Variants in CAMTA1 observed in about 807,000 individuals in gnomAD.
CAMTA1 encodes calmodulin binding transcription activator 1.
Under a neutral mutation model 170.9 loss-of-function variants are expected in CAMTA1, and 27 were observed. The ratio of observed to expected loss-of-function variants is 0.16; its 90% CI spans 0.12 to 0.22. The LOEUF (loss-of-function observed/expected upper bound fraction) is 0.22, where lower values mean the gene tolerates loss of function less well. CAMTA1 is among the 10% of genes least tolerant of loss of function. CAMTA1 has a pLI of 1.00. For synonymous variants in CAMTA1, 833 were observed against 891.5 expected, an observed-to-expected ratio of 0.93 and a Z score of 1.17; for missense variants, 1,619 against 2,217.2, an observed-to-expected ratio of 0.73 and a Z score of 5.42.
At chr1:7,703,020 C>G (rs146983350) in intron 11 of CAMTA1, among the ~76,000 whole-genome samples, 2,601 of 152,332 alleles carry the variant, frequency 0.017, 38 homozygotes, top group Non-Finnish European at 0.026. Context: ...CGAGCCCACT[C>G]TGAACCCAGG....
At chr1:7,457,138 G>A (rs1047883116) in intron 5 of CAMTA1, among the ~76,000 whole-genome samples, 26 of 148,978 alleles carry the variant, frequency 1.7e-4, no homozygotes, top group African/African-American at 6.5e-4. Flanking sequence ...TCATGACTTG[G>A]ATCAACTCTT....
chr1:7,640,680 A>G (rs1165700641), intron 7 of CAMTA1, 127 bp downstream of exon 7: 10 of 1,092,624 alleles, frequency 9.2e-6, no homozygotes, highest in Non-Finnish European at 1.4e-5. Context: ...CTGGAATGAC[A>G]GTGGCACCGT....
At chr1:6,939,619 G>A (rs1196416894) in intron 3 of CAMTA1, among the ~76,000 whole-genome samples, 1 of 152,196 alleles carries the variant, frequency 6.6e-6, no homozygotes, top group Non-Finnish European at 1.5e-5. Flanking sequence ...CTGGTCCCCT[G>A]TGGCGAGAGT....
At chr1:6,837,046 C>T (rs1229675656) in intron 3 of CAMTA1, among the ~76,000 whole-genome samples, 5 of 151,878 alleles carry the variant, frequency 3.3e-5, no homozygotes, top group East Asian at 3.9e-4. Flanking sequence ...CTCCGCCACC[C>T]GGGTTCATGC....
At chr1:7,714,961 G>T (rs1188624346) in intron 11 of CAMTA1, among the ~76,000 whole-genome samples, 1 of 152,202 alleles carries the variant, frequency 6.6e-6, no homozygotes, top group Admixed American at 6.5e-5. Context: ...GCTACGTTCA[G>T]CCCCATTTGG....
Position 7,674,563 on chromosome 1 carries a change from GA to G in CAMTA1, c.2780-3034del, listed in dbSNP as rs2096094215. ...GGAGGCCGAGGCGGGCGGATCACTTGAAGTCAGGAGTTCGAGACCAGCCTGA... is the reference window on the plus strand; with the variant it reads ...GGAGGCCGAGGCGGGCGGATCACTTGAGTCAGGAGTTCGAGACCAGCCTGA... On this transcript the variant is annotated intron_variant, in intron 10 of 22. Transcript: ENST00000303635. The surrounding 1 kb of genome is among the most constrained non-coding windows in gnomAD (Gnocchi z 4.1). 6.6e-6 allele frequency among the ~76,000 whole-genome samples: 1 copy of G among 152,184 alleles called. No individual in the cohort carries two copies. The highest frequency in any genetic ancestry group is 2.1e-4 in the South Asian group (1 of 4,830).
intron 9 of CAMTA1, among the ~76,000 whole-genome samples, chr1:7,666,178 A>AG (rs1183679613): frequency 2.0e-5 from 3 of 151,758 alleles, no homozygotes; most frequent in Non-Finnish European, 2.9e-5. Context: ...AAAAAAAAAA[A>AG]AAAGAAAGAA....
intron 6 of CAMTA1, among the ~76,000 whole-genome samples, chr1:7,493,951 C>T (rs2093782901): frequency 6.6e-6 from 1 of 152,112 alleles, no homozygotes; most frequent in Admixed American, 6.5e-5. Flanking sequence ...CTCCCAGGCT[C>T]AGCAGGCCAC....
chr1:7,056,911 A>G (rs960813291), intron 3 of CAMTA1, among the ~76,000 whole-genome samples: 4 of 152,042 alleles, frequency 2.6e-5, no homozygotes, highest in African/African-American at 7.2e-5. Context: ...CCGCTGGGAC[A>G]CCCCTCAGAA....
At chr1:7,091,805 C>A (rs1412316039) in intron 4 of CAMTA1, among the ~76,000 whole-genome samples, 1 of 152,174 alleles carries the variant, frequency 6.6e-6, no homozygotes. Context: ...GTAAAGAGAT[C>A]CCCCCAAATC....
intron 1 of CAMTA1, among the ~76,000 whole-genome samples, chr1:6,795,430 G>A (rs1219089234): frequency 6.6e-6 from 1 of 152,004 alleles, no homozygotes; most frequent in Non-Finnish European, 1.5e-5. Flanking sequence ...CTGGTCTCAA[G>A]CAGTCCGTCT....
chr1:6,883,719 C>T (rs747904228), intron 3 of CAMTA1, among the ~76,000 whole-genome samples: 23 of 151,928 alleles, frequency 1.5e-4, no homozygotes, highest in African/African-American at 2.9e-4. Flanking sequence ...GGCTTGAAAT[C>T]GGTATCATGG....
chr1:7,081,060 G>C (rs1172928757), intron 3 of CAMTA1, among the ~76,000 whole-genome samples: 1 of 152,210 alleles, frequency 6.6e-6, no homozygotes, highest in African/African-American at 2.4e-5. Context: ...CAAAGGGCCT[G>C]GGCTGGAAGT....
At position 7,444,343 on chromosome 1, in the gene CAMTA1, C is replaced by T. The variant is rs540798445; in HGVS notation, c.439-23487C>T. 2.0e-3 allele frequency among the ~76,000 whole-genome samples: 298 copies of T among 152,284 alleles called. 1 individual carries two copies. The highest frequency in any genetic ancestry group is 6.7e-3 in the African/African-American group (279 of 41,554). On this transcript the variant is annotated intron_variant, in intron 5 of 22. Transcript: ENST00000303635. ...CTCTGTACCCAGCACTGTGGCTGCC[C>T]GAGCATCTGCCTCTCCAGCCACAGT...
At position 7,584,393 on chromosome 1, in the gene CAMTA1, G is replaced by A. The variant is rs115047788; in HGVS notation, c.511-56007G>A. Among the ~76,000 whole-genome samples the A allele has an allele frequency of 6.4e-3, 969 of 152,204 alleles. 12 individuals are homozygous for A. Among genetic ancestry groups the A allele is most frequent in the African/African-American group, 0.022 (922 of 41,550 alleles). ...ATTAGGCCTGCAGGCAGGCCAGGAG[G>A]AGATGATGTGGAGGGTGGTCAGATA... is the stretch of plus-strand genomic sequence containing the variant. On this transcript the variant is annotated intron_variant, in intron 6 of 22. Coordinates refer to ENST00000303635, the MANE Select transcript of CAMTA1 (RefSeq NM_015215.4).
intron 3 of CAMTA1, among the ~76,000 whole-genome samples, chr1:7,033,366 C>T (rs1009115248): frequency 1.3e-5 from 2 of 152,052 alleles, no homozygotes; most frequent in South Asian, 4.2e-4. Context: ...AGAAGTTTTA[C>T]TTGGATCTGT....
chr1:7,112,163 A>G (rs915790026), intron 4 of CAMTA1, among the ~76,000 whole-genome samples: 1 of 152,146 alleles, frequency 6.6e-6, no homozygotes, highest in Admixed American at 6.5e-5. Context: ...CATTTGTTGC[A>G]GGACCGCTGC....
chr1:7,763,721 C>G (rs574468997), intron 22 of CAMTA1, among the ~76,000 whole-genome samples: 3 of 152,318 alleles, frequency 2.0e-5, no homozygotes, highest in Admixed American at 6.5e-5. Context: ...ATTCACTCTC[C>G]TTTTTATTTC....
intron 5 of CAMTA1, among the ~76,000 whole-genome samples, chr1:7,372,657 T>C (rs552896183): frequency 1.2e-4 from 18 of 152,352 alleles, no homozygotes; most frequent in Admixed American, 9.1e-4. Context: ...TGGAGCCCCG[T>C]GCCAGCGCTG....
Sources: allele counts gnomAD v4.1 joint callset (sites outside exome capture counted in the v4.1 genomes callset), GRCh38; gene constraint gnomAD v4.1.1; non-coding constraint Gnocchi (gnomAD v3.1); transcripts MANE v1.5; gene names NCBI Gene and HGNC (gene_info 2026-07-23, HGNC 2026-07-21).